The following AGAP1 variants were observed in gnomAD, a reference collection of about 807,000 sequenced individuals.
AGAP1 encodes arf-GAP with GTPase, ANK repeat and PH domain-containing protein 1.
In AGAP1, 29 loss-of-function variants were observed where a neutral mutation model predicts 105.3. That is an observed-to-expected ratio of 0.28 (90% CI 0.21 to 0.38). The LOEUF is 0.38. Ranked by LOEUF, AGAP1 falls within the 10% of genes least tolerant of loss-of-function variation. AGAP1 has a pLI of 1.00. For missense variants in AGAP1, 998 were observed against 1,165.1 expected (o/e 0.86, Z 2.09); for synonymous variants, 509 against 485.9 (o/e 1.05, Z -0.63).
rs1260436317 is a variant in AGAP1 at position 235,872,197 on chromosome 2, A to G, written c.1051-11148A>G. Among the ~76,000 whole-genome samples, 1 of 152,206 alleles carries G rather than the reference A, an allele frequency of 6.6e-6. No individual in the cohort carries two copies. The highest frequency in any genetic ancestry group is 1.5e-5 in the Non-Finnish European group (1 of 68,042). On this transcript the variant is annotated intron_variant, in intron 9 of 17. Coordinates refer to ENST00000304032, the MANE Select transcript of AGAP1 (RefSeq NM_001037131.3). The surrounding 1 kb of genome is among the most constrained non-coding windows in gnomAD (Gnocchi z 4.5). ...GTTGTCATGCACTTTCAGTGGGTTA[A>G]CAGTTGCAAGGCACTTAGAGCAGCA... is the stretch of plus-strand genomic sequence containing the variant.
chr2:235,719,468 C>T lies in AGAP1; in HGVS notation c.310+1824C>T, dbSNP rs546139175. Among the ~76,000 whole-genome samples, 96 of 152,326 alleles carry T rather than the reference C, an allele frequency of 6.3e-4. No individual in the cohort carries two copies. The highest frequency in any genetic ancestry group is 1.8e-3 in the African/African-American group (74 of 41,564). ...AAAGCATTTCTCTTGAACGTTTATA[C>T]ATCAAAAGGAAGGATTGTGGGGTGA... On this transcript the variant is annotated intron_variant, in intron 3 of 17. Transcript: ENST00000304032. The surrounding 1 kb of genome is among the most constrained non-coding windows in gnomAD (Gnocchi z 4.9).
chr2:235,739,709 C>T lies in AGAP1; in HGVS notation c.311-1254C>T, dbSNP rs2149655299. 6.6e-6 allele frequency among the ~76,000 whole-genome samples: 1 copy of T among 152,356 alleles called. No homozygotes were observed. Among genetic ancestry groups the T allele is most frequent in the East Asian group, 1.9e-4 (1 of 5,176 alleles). The stretch of plus-strand genomic sequence containing the variant: ...GCGGGAACGGGCCAACGCCCCACTG[C>T]CCCAGTCAGCCCTCTGTGGCCTCAG... On this transcript the variant is annotated intron_variant, in intron 3 of 17. Transcript: ENST00000304032. The surrounding 1 kb of genome is among the most constrained non-coding windows in gnomAD (Gnocchi z 5.3).
At position 235,882,974 on chromosome 2, in the gene AGAP1, A is replaced by G. The variant is rs2050105970; in HGVS notation, c.1051-371A>G. ...ATTACAGAAGCACACCACCGTGCCC[A>G]GCTAATTTTATTTATTTATTTATTT... On this transcript the variant is annotated intron_variant, in intron 9 of 17. Transcript: ENST00000304032. This position sits in a 1 kb window ranked among gnomAD's most constrained non-coding sequence, Gnocchi z 4.6. Among the ~76,000 whole-genome samples the G allele has an allele frequency of 6.6e-6, 1 of 152,008 alleles. No homozygotes were observed. The highest frequency in any genetic ancestry group is 6.6e-5 in the Admixed American group (1 of 15,254).
At chr2:235,667,593 T>C (rs1031838060) in intron 1 of AGAP1, among the ~76,000 whole-genome samples, 2 of 152,142 alleles carry the variant, frequency 1.3e-5, no homozygotes, top group African/African-American at 4.8e-5. Context: ...TAGGCTGTCA[T>C]TCTGAACCAT....
At chr2:235,821,118 G>A (rs1958763095) in intron 9 of AGAP1, among the ~76,000 whole-genome samples, 1 of 152,186 alleles carries the variant, frequency 6.6e-6, no homozygotes, top group African/African-American at 2.4e-5. Flanking sequence ...AGTGTGTATA[G>A]CAGTTATTTA....
intron 9 of AGAP1, among the ~76,000 whole-genome samples, chr2:235,834,611 A>G (rs561677476): frequency 3.9e-5 from 6 of 152,320 alleles, no homozygotes; most frequent in Admixed American, 1.3e-4. Flanking sequence ...TTTTTTGGGT[A>G]CCATCCACTG....
intron 16 of AGAP1, among the ~76,000 whole-genome samples, chr2:236,103,795 C>T (rs767384533): frequency 8.5e-5 from 13 of 152,102 alleles, no homozygotes; most frequent in Non-Finnish European, 1.9e-4. Context: ...TCTCGAACTC[C>T]TGACCTCGTG....
intron 3 of AGAP1, among the ~76,000 whole-genome samples, chr2:235,730,924 G>A (rs1034586984): frequency 1.3e-5 from 2 of 152,038 alleles, no homozygotes; most frequent in Non-Finnish European, 2.9e-5. Flanking sequence ...GCCCCCAACC[G>A]TTTTCTCCGA....
rs1227402420 is a variant in AGAP1 at position 235,720,118 on chromosome 2, A to G, written c.310+2474A>G. On this transcript the variant is annotated intron_variant, in intron 3 of 17. Transcript: ENST00000304032. This position sits in a 1 kb window ranked among gnomAD's most constrained non-coding sequence, Gnocchi z 5.0. ...AATGTCACTTGTAATGAAGGGAGCC[A>G]TACTTGTTGTTTGGGAAAGAAAACA... 1.3e-5 allele frequency among the ~76,000 whole-genome samples: 2 copies of G among 152,202 alleles called. No individual in the cohort carries two copies. Among genetic ancestry groups the G allele is most frequent in the Admixed American group, 6.5e-5 (1 of 15,282 alleles).
chr2:235,873,644 T>C (rs1026543283), intron 9 of AGAP1, among the ~76,000 whole-genome samples: 9 of 152,194 alleles, frequency 5.9e-5, no homozygotes, highest in African/African-American at 2.2e-4. Flanking sequence ...TGTAATAATT[T>C]GGAGGCCTAA....
At chr2:235,802,949 G>GATGATGGTTGTGGTT (rs1957599349) in intron 8 of AGAP1, among the ~76,000 whole-genome samples, 1 of 150,304 alleles carries the variant, frequency 6.7e-6, no homozygotes, top group African/African-American at 2.4e-5. Context: ...TTGTAATGGT[G>GATGATGGTTGTGGTT]GTGATGATGG....
chr2:235,524,059 A>G (rs1485472548), intron 1 of AGAP1, among the ~76,000 whole-genome samples: 1 of 152,230 alleles, frequency 6.6e-6, no homozygotes, highest in African/African-American at 2.4e-5. Flanking sequence ...GGATGACGAC[A>G]GGCATTTGCT....
At chr2:235,797,957 T>A in intron 7 of AGAP1, 71 bp downstream of exon 7, 2 of 1,532,154 alleles carry the variant, frequency 1.3e-6, no homozygotes, top group Non-Finnish European at 1.8e-6. Context: ...TCCCAGCCAA[T>A]GCTAAGGTTG....
intron 9 of AGAP1, among the ~76,000 whole-genome samples, chr2:235,819,460 C>T (rs1436483043): frequency 6.6e-6 from 1 of 152,098 alleles, no homozygotes; most frequent in Non-Finnish European, 1.5e-5. Context: ...TGCTGCTAAT[C>T]CAGGAGCCAC....
At chr2:235,707,450 C>T (rs1950589599) in intron 1 of AGAP1, among the ~76,000 whole-genome samples, 1 of 140,832 alleles carries the variant, frequency 7.1e-6, no homozygotes, top group African/African-American at 2.6e-5. Flanking sequence ...ATCTGGTTTG[C>T]TGCACAGTTG....
In AGAP1 at chr2:236,121,711, A is replaced by C. The variant is rs1018546689; in HGVS notation, c.2370+1264A>C. 1.4e-4 allele frequency among the ~76,000 whole-genome samples: 22 copies of C among 152,216 alleles called. No individual in the cohort carries two copies. Among genetic ancestry groups the C allele is most frequent in the Admixed American group, 9.8e-4 (15 of 15,280 alleles). ...ATGAGTCATACATGTGATGTAATGC[A>C]CATTAAATAAGAGTTGTGTGTAGTG... is the stretch of plus-strand genomic sequence containing the variant. On this transcript the variant is annotated intron_variant, in intron 17 of 17. Coordinates refer to ENST00000304032, the MANE Select transcript of AGAP1 (RefSeq NM_001037131.3). This position sits in a 1 kb window ranked among gnomAD's most constrained non-coding sequence, Gnocchi z 4.9.
intron 13 of AGAP1, among the ~76,000 whole-genome samples, chr2:236,030,897 T>C (rs1179809999): frequency 6.6e-6 from 1 of 152,114 alleles, no homozygotes; most frequent in Non-Finnish European, 1.5e-5. Flanking sequence ...TTGGCAGATA[T>C]TGCTAAGCAG....
chr2:235,822,256 A>G (rs955218487), intron 9 of AGAP1, among the ~76,000 whole-genome samples: 2 of 152,258 alleles, frequency 1.3e-5, no homozygotes, highest in Non-Finnish European at 2.9e-5. Context: ...AGTCTTAAAT[A>G]AAATTTAAAG....
chr2:235,584,270 A>G (rs547165250), intron 1 of AGAP1, among the ~76,000 whole-genome samples: 55 of 150,964 alleles, frequency 3.6e-4, no homozygotes, highest in African/African-American at 1.3e-3. Context: ...CTGTCATTGA[A>G]CGTAATAATT....
Sources: allele counts gnomAD v4.1 joint callset (sites outside exome capture counted in the v4.1 genomes callset), GRCh38; gene constraint gnomAD v4.1.1; non-coding constraint Gnocchi (gnomAD v3.1); transcripts MANE v1.5; gene names NCBI Gene and HGNC (gene_info 2026-07-23, HGNC 2026-07-21).